The following B2M variants were observed in gnomAD, a reference collection of about 807,000 sequenced individuals.
B2M encodes the protein beta chain of MHC class I molecules.
Under a neutral mutation model 14.5 loss-of-function variants are expected in B2M, and 3 were observed. The observed-to-expected ratio is 0.21, with a 90% CI of 0.09 to 0.53. The LOEUF (loss-of-function observed/expected upper bound fraction) is 0.53, where lower values mean the gene tolerates loss of function less well. B2M is among the 20% of genes least tolerant of loss of function. The probability of loss-of-function intolerance (pLI) is 0.95; values close to 1 mark genes in which losing one functional copy is unlikely to be tolerated. For synonymous variants in B2M, 45 were observed against 52.7 expected (o/e 0.85, Z 0.64); for missense variants, 107 against 140.8 (o/e 0.76, Z 1.21).
chr15:44,716,494 G>C lies in B2M; in HGVS notation c.*14+138G>C, dbSNP rs2086943173. 4.1e-6 allele frequency: 4 copies of C among 982,352 alleles called. No homozygotes were observed. The South Asian group carries it at 5.5e-5, about 14-fold the overall frequency. 60.9% of individuals were successfully genotyped at this position (982,352 alleles called of 1,614,324 possible). A position where few individuals can be genotyped will look rare whatever the true frequency, so the allele number is the denominator to read the frequency against. On this transcript the variant is annotated intron_variant, in intron 3 of 3. Transcript: ENST00000648006. ...TTAGCAGGGAAAGAAGAATCCTACA[G>C]GGTCATGTTCCCTTCTCCTGTGGAG...
intron 1 of B2M, 186 bp from the exon 2 acceptor site, chr15:44,715,237 G>A: frequency 4.3e-6 from 3 of 694,562 alleles, no homozygotes; most frequent in Non-Finnish European, 7.5e-6. Context: ...CCAAGTCACG[G>A]TTTATTCTTC....
intron 1 of B2M, chr15:44,715,068 A>G (rs2086926396): frequency 2.6e-6 from 1 of 389,824 alleles, no homozygotes; most frequent in Admixed American, 4.0e-5. Flanking sequence ...TGTGTTAAGG[A>G]ATGCTATGAG....
rs541454355 is a variant in B2M, at chr15:44,716,369, C to T, written c.*14+13C>T. The stretch of plus-strand genomic sequence containing the variant: ...CAGCATCATGGAGGTAAGTTTTTGA[C>T]CTTGAGAAAATGTTTTTGTTTCACT... On this transcript the variant is annotated intron_variant, in intron 3 of 3. Transcript: ENST00000648006. The T allele has an allele frequency of 6.9e-6, 11 of 1,605,022 alleles. No homozygotes were observed. The highest frequency in any genetic ancestry group is 1.7e-4 in the Middle Eastern group (1 of 6,040).
intron 1 of B2M, chr15:44,715,210 A>T (rs1454691409): frequency 7.9e-6 from 5 of 631,472 alleles, no homozygotes; most frequent in Non-Finnish European, 1.4e-5. Context: ...GTATAGAGGA[A>T]TTATGAGGGA....
At chr15:44,715,356 G>T in intron 1 of B2M, 67 bp from the exon 2 acceptor site, 1 of 1,542,202 alleles carries the variant, frequency 6.5e-7, no homozygotes, top group South Asian at 1.1e-5. Context: ...GATATAGCTT[G>T]ACACCAAGTT....
chr15:44,715,766 C>A (rs964064381), intron 2 of B2M, 65 bp downstream of exon 2: 4 of 1,590,928 alleles, frequency 2.5e-6, no homozygotes, highest in African/African-American at 1.3e-5. Flanking sequence ...CATAAAGCTG[C>A]TTTGATATAA....
intron 1 of B2M, chr15:44,712,097 T>C (rs1284787760): frequency 6.3e-6 from 2 of 315,368 alleles, no homozygotes; most frequent in East Asian, 1.6e-4. Flanking sequence ...GCGGCTCTGC[T>C]TCCCTTAGAC....
In B2M at chr15:44,715,417, C is replaced by T; in HGVS notation, c.68-6C>T. ...TATTAATGTGTCTTTTCCCGATATT[C>T]CTCAGGTACTCCAAAGATTCAGGTT... On this transcript the variant is annotated splice_polypyrimidine_tract_variant and splice_region_variant and intron_variant, in intron 1 of 3. Coordinates refer to ENST00000648006, the MANE Select transcript of B2M (RefSeq NM_004048.4). 1.9e-6 allele frequency: 3 copies of T among 1,613,128 alleles called. No individual in the cohort carries two copies. Among genetic ancestry groups the T allele is most frequent in the Non-Finnish European group, 2.5e-6 (3 of 1,179,828 alleles).
At chr15:44,715,977 T>A (rs947591142) in intron 2 of B2M, 3 of 612,746 alleles carry the variant, frequency 4.9e-6, no homozygotes, top group Non-Finnish European at 5.8e-6. Flanking sequence ...CAAATACATA[T>A]ACACTCTTAA....
chr15:44,711,558 C>A lies in B2M; in HGVS notation c.12C>A (p.Ser4=), dbSNP rs144431244. 2 of 1,613,760 alleles carry A rather than the reference C, an allele frequency of 1.2e-6. No individual in the cohort carries two copies. The highest frequency in any genetic ancestry group is 1.7e-6 in the Non-Finnish European group (2 of 1,180,010). ...GCATTCGGGCCGAGATGTCTCGCTC[C>A]GTGGCCTTAGCTGTGCTCGCGCTAC... is the stretch of plus-strand genomic sequence containing the variant. MSR[S]VALAVLALLS... is the part of the protein sequence containing the mutation. Residue 4 remains serine (S), a synonymous_variant, in exon 1 of 4, where the codon TCC becomes TCA. Transcript: ENST00000648006.
intron 1 of B2M, 59 bp downstream of exon 1, chr15:44,711,672 G>T (rs1424122671): frequency 6.4e-7 from 1 of 1,556,110 alleles, no homozygotes; most frequent in East Asian, 2.2e-5. Context: ...ACCCTCTGTG[G>T]CCCTCGCTGT....
intron 2 of B2M, 61 bp downstream of exon 2, chr15:44,715,762 G>C: frequency 6.3e-7 from 1 of 1,597,088 alleles, no homozygotes; most frequent in Admixed American, 1.7e-5. Context: ...ATATCATAAA[G>C]CTGCTTTGAT....
At chr15:44,712,007 G>C (rs917625519) in intron 1 of B2M, 3 of 374,348 alleles carry the variant, frequency 8.0e-6, no homozygotes, top group Non-Finnish European at 1.5e-5. Context: ...TCGTCCCAAA[G>C]GCGCGGCGCT....
intron 1 of B2M, chr15:44,714,921 GGC>G: frequency 2.5e-5 from 5 of 200,482 alleles, no homozygotes; most frequent in South Asian, 2.2e-4. Flanking sequence ...CAAAAAGAAA[GGC>G]ATAAACATAA....
rs771780544 is a variant in B2M at position 44,711,625 on chromosome 15, C to T, written c.67+12C>T. On this transcript the variant is annotated intron_variant, in intron 1 of 3. Transcript: ENST00000648006. ...GGAGGCTATCCAGCGTGAGTCTCTC[C>T]TACCCTCCCGCTCTGGTCCTTCCTC... is the stretch of plus-strand genomic sequence containing the variant. 37 of 1,611,424 alleles carry T rather than the reference C, an allele frequency of 2.3e-5. No homozygotes were observed. The highest frequency in any genetic ancestry group is 1.6e-4 in the Middle Eastern group (1 of 6,082).
chr15:44,717,326 A>C (rs540703903), intron 3 of B2M: 1 of 151,908 alleles, frequency 6.6e-6, no homozygotes, highest in Admixed American at 6.6e-5. Flanking sequence ...TAAACATAGA[A>C]GTTGCAGTAA....
Position 44,717,953 on chromosome 15 carries a change from C to T in B2M, c.*361C>T, listed in dbSNP as rs563063364. 6.6e-6 allele frequency: 1 copy of T among 152,318 alleles called. No individual in the cohort carries two copies. The highest frequency in any genetic ancestry group is 6.5e-5 in the Admixed American group (1 of 15,300). The allele number at this position is 152,318 out of a possible 1,614,324, so 9.4% of individuals were successfully genotyped here. ...CGTGCATAAGTTAACTTCCAATTTA[C>T]ATACTCTGCTTAGAATTTGGGGGAA... On this transcript the variant is annotated 3_prime_UTR_variant, in exon 4 of 4. Coordinates refer to ENST00000648006, the MANE Select transcript of B2M (RefSeq NM_004048.4).
Position 44,716,314 on chromosome 15 carries a change from C to T in B2M, c.347-15C>T, listed in dbSNP as rs755877298. 6.2e-7 allele frequency: 1 copy of T among 1,610,070 alleles called. No homozygotes were observed. ...TTAATGTCTTCCTTTTTTTTCTCCA[C>T]TGTCTTTTTCATAGATCGAGACATG... On this transcript the variant is annotated splice_polypyrimidine_tract_variant and intron_variant, in intron 2 of 3. Transcript: ENST00000648006.
At chr15:44,712,614 G>A (rs1320444033) in intron 1 of B2M, among the ~76,000 whole-genome samples, 2 of 152,208 alleles carry the variant, frequency 1.3e-5, no homozygotes, top group Non-Finnish European at 2.9e-5. Flanking sequence ...GGGCGGCATG[G>A]GCCCTGTGGT....
Sources: allele counts gnomAD v4.1 joint callset (sites outside exome capture counted in the v4.1 genomes callset), GRCh38; gene constraint gnomAD v4.1.1; transcripts MANE v1.5; gene names NCBI Gene and HGNC (gene_info 2026-07-23, HGNC 2026-07-21).